Variants in SIPA1L1 observed in about 807,000 individuals in gnomAD.
SIPA1L1 encodes the protein signal induced proliferation associated 1 like 1.
SIPA1L1 carries 26 observed loss-of-function variants against 162.7 expected under a neutral mutation model. The observed-to-expected ratio is 0.16, with a 90% confidence interval of 0.12 to 0.22. The LOEUF (loss-of-function observed/expected upper bound fraction) is 0.22, where lower values mean the gene tolerates loss of function less well. SIPA1L1 is among the 10% of genes least tolerant of loss of function. The probability of loss-of-function intolerance (pLI) is 1.00; values close to 1 mark genes in which losing one functional copy is unlikely to be tolerated. For missense variants in SIPA1L1, 1,874 were observed against 2,241.0 expected (o/e 0.84, Z 3.31); for synonymous variants, 829 against 837.4 (o/e 0.99, Z 0.17).
intron 2 of SIPA1L1, among the ~76,000 whole-genome samples, chr14:71,511,465 T>A (rs1403380918): frequency 3.3e-5 from 5 of 152,222 alleles, no homozygotes; most frequent in African/African-American, 9.6e-5. Flanking sequence ...TTTTATTTTT[T>A]TTTTGCAGAG....
intron 2 of SIPA1L1, among the ~76,000 whole-genome samples, chr14:71,411,865 A>C (rs2042430457): frequency 6.6e-6 from 1 of 152,210 alleles, no homozygotes; most frequent in Admixed American, 6.5e-5. Flanking sequence ...GAATAAGCCC[A>C]TTTGCCACAT....
At chr14:71,470,833 ATTTTGTTTTG>A (rs920464138) in intron 2 of SIPA1L1, among the ~76,000 whole-genome samples, 10 of 151,432 alleles carry the variant, frequency 6.6e-5, no homozygotes, top group Non-Finnish European at 1.0e-4. Flanking sequence ...GTTTTGTTTT[ATTTTGTTTTG>A]TTTTGTTTTT....
At chr14:71,421,812 G>A (rs2043206556) in intron 2 of SIPA1L1, among the ~76,000 whole-genome samples, 1 of 152,110 alleles carries the variant, frequency 6.6e-6, no homozygotes, top group Admixed American at 6.5e-5. Flanking sequence ...TGTAGAAGAT[G>A]GTTGTGTAAA....
chr14:71,491,813 C>CACAT (rs1555437273), intron 2 of SIPA1L1, among the ~76,000 whole-genome samples: 3 of 147,790 alleles, frequency 2.0e-5, no homozygotes, highest in Non-Finnish European at 4.5e-5. Flanking sequence ...CACACACACA[C>CACAT]CCCTTCCCCC....
At chr14:71,665,334 A>G (rs1201212228) in intron 10 of SIPA1L1, among the ~76,000 whole-genome samples, 2 of 152,232 alleles carry the variant, frequency 1.3e-5, no homozygotes, top group African/African-American at 4.8e-5. Context: ...TAGAAAGCTT[A>G]TATAGGAATA....
chr14:71,630,878 T>TAC (rs2040497303), intron 7 of SIPA1L1, among the ~76,000 whole-genome samples: 1 of 151,294 alleles, frequency 6.6e-6, no homozygotes, highest in Non-Finnish European at 1.5e-5. Flanking sequence ...ATTATATATA[T>TAC]ACATATATAT....
At chr14:71,686,440 G>A (rs1276631829) in intron 13 of SIPA1L1, among the ~76,000 whole-genome samples, 1 of 152,250 alleles carries the variant, frequency 6.6e-6, no homozygotes, top group Admixed American at 6.5e-5. Context: ...CAGATTTTAA[G>A]TAATTGCACT....
intron 2 of SIPA1L1, among the ~76,000 whole-genome samples, chr14:71,432,197 C>T (rs1428694165): frequency 1.3e-5 from 2 of 152,060 alleles, no homozygotes; most frequent in Non-Finnish European, 2.9e-5. Flanking sequence ...GTTTCAGCCT[C>T]CGGAGTAGCT....
chr14:71,624,239 G>C lies in SIPA1L1; in HGVS notation c.1818+3G>C, dbSNP rs2039739272. On this transcript the variant is annotated splice_donor_region_variant and intron_variant, in intron 7 of 23. Coordinates refer to ENST00000381232, the MANE Select transcript of SIPA1L1 (RefSeq NM_001386936.1). ...TCATGAAACTGGATGAACAAGGGGT[G>C]AGTTTGCCTTTCTGAGGAGAGCATT... 6.2e-7 allele frequency: 1 copy of C among 1,605,952 alleles called. No homozygotes were observed. Among genetic ancestry groups the C allele is most frequent in the Non-Finnish European group, 8.5e-7 (1 of 1,174,794 alleles).
rs555168402 is a variant in SIPA1L1 at position 71,391,347 on chromosome 14, C to T, written c.-465+70166C>T. On this transcript the variant is annotated intron_variant, in intron 2 of 23. Coordinates refer to ENST00000381232, the MANE Select transcript of SIPA1L1 (RefSeq NM_001386936.1). ...GTCTCGATCTCTTGACCTCGTGATC[C>T]GCCCGCCTTGGCCTCCCAAAGTGCT... is the stretch of plus-strand genomic sequence containing the variant. Among the ~76,000 whole-genome samples the T allele has an allele frequency of 3.9e-4, 59 of 152,224 alleles. 1 individual carries two copies. Among genetic ancestry groups the T allele is most frequent in the Admixed American group, 5.9e-4 (9 of 15,282 alleles).
intron 2 of SIPA1L1, among the ~76,000 whole-genome samples, chr14:71,455,720 T>C (rs952288033): frequency 1.3e-5 from 2 of 152,140 alleles, no homozygotes; most frequent in South Asian, 4.1e-4. Context: ...TAAGGGTAAA[T>C]TGGTTTCTAC....
At chr14:71,342,309 C>T (rs755518381) in intron 2 of SIPA1L1, among the ~76,000 whole-genome samples, 8 of 152,082 alleles carry the variant, frequency 5.3e-5, no homozygotes, top group Non-Finnish European at 1.0e-4. Context: ...TGTGAGCCAC[C>T]GTACCTGGCC....
At chr14:71,519,915 G>C (rs2052137772) in intron 3 of SIPA1L1, among the ~76,000 whole-genome samples, 1 of 152,024 alleles carries the variant, frequency 6.6e-6, no homozygotes, top group Non-Finnish European at 1.5e-5. Flanking sequence ...ATAACCCACT[G>C]AATAAATTGA....
At chr14:71,721,424 G>A (rs2083722127) in intron 17 of SIPA1L1, among the ~76,000 whole-genome samples, 2 of 152,190 alleles carry the variant, frequency 1.3e-5, no homozygotes, top group Non-Finnish European at 2.9e-5. Flanking sequence ...CAAGGCCCGT[G>A]GTGACTGCTG....
chr14:71,659,826 C>T (rs984733695), intron 9 of SIPA1L1, among the ~76,000 whole-genome samples: 3 of 151,676 alleles, frequency 2.0e-5, no homozygotes, highest in Admixed American at 1.3e-4. Context: ...CCAATCAAGG[C>T]AAAAATGTTA....
intron 2 of SIPA1L1, among the ~76,000 whole-genome samples, chr14:71,426,192 T>C (rs993766450): frequency 2.0e-5 from 3 of 152,172 alleles, no homozygotes; most frequent in Admixed American, 6.6e-5. Context: ...TTATCTGTTC[T>C]ACCATTCTCT....
intron 17 of SIPA1L1, among the ~76,000 whole-genome samples, chr14:71,721,831 C>T (rs1186707842): frequency 6.6e-6 from 1 of 152,186 alleles, no homozygotes; most frequent in Non-Finnish European, 1.5e-5. Context: ...AGCTCTGGGG[C>T]TTGTTCAAGG....
intron 2 of SIPA1L1, among the ~76,000 whole-genome samples, chr14:71,444,550 A>G (rs1005566459): frequency 6.6e-6 from 1 of 152,122 alleles, no homozygotes; most frequent in African/African-American, 2.4e-5. Context: ...TACAGTTCCC[A>G]GATTGGCATT....
intron 2 of SIPA1L1, among the ~76,000 whole-genome samples, chr14:71,406,918 C>T (rs1393961977): frequency 6.6e-6 from 1 of 152,128 alleles, no homozygotes; most frequent in African/African-American, 2.4e-5. Context: ...ATGCTGATTT[C>T]ATTAGCACCT....
Sources: allele counts gnomAD v4.1 joint callset (sites outside exome capture counted in the v4.1 genomes callset), GRCh38; gene constraint gnomAD v4.1.1; transcripts MANE v1.5; gene names NCBI Gene and HGNC (gene_info 2026-07-23, HGNC 2026-07-21).